Variants in CNKSR2 observed in about 807,000 individuals in gnomAD.
The protein encoded by CNKSR2 is CNK homolog protein 2.
A neutral mutation model predicts 84.4 loss-of-function variants in CNKSR2; 14 were observed. That is an observed-to-expected ratio of 0.17 (90% CI 0.11 to 0.26). The LOEUF is 0.26. Among genes scored for constraint, CNKSR2 ranks in the 10% least tolerant of loss-of-function variants. The probability of loss-of-function intolerance (pLI) is 1.00; values close to 1 mark genes in which losing one functional copy is unlikely to be tolerated. For synonymous variants in CNKSR2, 275 were observed against 277.9 expected, an observed-to-expected ratio of 0.99 and a Z score of 0.10; for missense variants, 485 against 771.2, an observed-to-expected ratio of 0.63 and a Z score of 4.40.
intron 1 of CNKSR2, among the ~76,000 whole-genome samples, chrX:21,402,389 TA>T (rs1179001528): frequency 9.0e-6 from 1 of 111,603 alleles, no homozygotes; most frequent in Non-Finnish European, 1.9e-5. Flanking sequence ...CTGAAGACTA[TA>T]TTTGAAGTTA....
chrX:21,518,252 A>G lies in CNKSR2; in HGVS notation c.957+1621A>G, dbSNP rs190935031. ...GCTCCCCCTAGAGTTTCCTATTGCC[A>G]TGTCTTCCCTAAAGATCCTTCTTCA... On this transcript the variant is annotated intron_variant, in intron 9 of 21. Coordinates refer to ENST00000379510, the MANE Select transcript of CNKSR2 (RefSeq NM_014927.5). Among the ~76,000 whole-genome samples the G allele has an allele frequency of 4.5e-4, 50 of 110,829 alleles. No individual in the cohort carries two copies. The Admixed American group carries it at 4.7e-3, about 10-fold the overall frequency.
intron 17 of CNKSR2, among the ~76,000 whole-genome samples, chrX:21,600,102 C>T (rs1032365096): frequency 8.1e-5 from 9 of 111,684 alleles, no homozygotes; most frequent in African/African-American, 2.6e-4. Flanking sequence ...TTTTAATTGA[C>T]CTATTCTTAC....
At chrX:21,446,297 A>G (rs1159286319) in intron 4 of CNKSR2, among the ~76,000 whole-genome samples, 2 of 111,483 alleles carry the variant, frequency 1.8e-5, no homozygotes, top group Non-Finnish European at 3.8e-5. Context: ...CTAAAAATAT[A>G]TTGTTTTCAA....
At chrX:21,643,327 C>T (rs958668070) in intron 20 of CNKSR2, 6 of 111,508 alleles carry the variant, frequency 5.4e-5, no homozygotes, top group African/African-American at 1.3e-4. Context: ...AACTACTTGT[C>T]GTAAATACTG....
chrX:21,599,339 GGTGTGTGTGTGTGTGT>G (rs34829122), intron 17 of CNKSR2, among the ~76,000 whole-genome samples: 12 of 82,706 alleles, frequency 1.5e-4, no homozygotes, highest in East Asian at 3.9e-4. Flanking sequence ...TTTTTGTTTT[GGTGTGTGTGTGTGTGT>G]GTGTGTGTGT....
At chrX:21,396,427 C>T (rs1037302218) in intron 1 of CNKSR2, among the ~76,000 whole-genome samples, 9 of 110,334 alleles carry the variant, frequency 8.2e-5, no homozygotes, top group Non-Finnish European at 1.7e-4. Context: ...GTGAATGCAT[C>T]AAACAGATTT....
intron 13 of CNKSR2, among the ~76,000 whole-genome samples, chrX:21,573,830 G>T (rs1207527830): frequency 8.9e-6 from 1 of 111,849 alleles, no homozygotes; most frequent in African/African-American, 3.3e-5. Context: ...CATTGTTTTG[G>T]TGATTAACAT....
chrX:21,608,145 C>T (rs746932325), intron 19 of CNKSR2: 6 of 110,920 alleles, frequency 5.4e-5, no homozygotes, highest in South Asian at 7.8e-4. Context: ...ACTGACTGCC[C>T]GCAGAGGATG....
intron 6 of CNKSR2, chrX:21,493,238 T>G (rs141792706): frequency 0.025 from 2,807 of 112,057 alleles, 38 homozygotes; most frequent in Non-Finnish European, 0.04. Context: ...ACAACAATAA[T>G]TAGCAGAAAA....
intron 6 of CNKSR2, among the ~76,000 whole-genome samples, chrX:21,496,220 T>G (rs919062095): frequency 7.1e-5 from 8 of 112,064 alleles, no homozygotes; most frequent in Admixed American, 1.9e-4. Context: ...TTAAGATCCT[T>G]TATTAATCTG....
intron 8 of CNKSR2, chrX:21,506,365 CATA>C (rs2091612270): frequency 9.0e-6 from 1 of 111,186 alleles, no homozygotes; most frequent in Non-Finnish European, 1.9e-5. Context: ...TTTAGTTACT[CATA>C]ATAATATTTT....
intron 21 of CNKSR2, among the ~76,000 whole-genome samples, chrX:21,650,638 G>T (rs763018556): frequency 1.5e-3 from 168 of 111,649 alleles, no homozygotes; most frequent in African/African-American, 5.1e-3. Flanking sequence ...CAGAAGGTCA[G>T]AGGGCTCCTT....
At chrX:21,437,062 A>G (rs1398843546) in intron 3 of CNKSR2, among the ~76,000 whole-genome samples, 1 of 111,727 alleles carries the variant, frequency 9.0e-6, no homozygotes, top group Admixed American at 9.5e-5. Context: ...TTGAAATTTA[A>G]TCTTGAGTGA....
chrX:21,570,326 T>C (rs1048420818), intron 13 of CNKSR2, among the ~76,000 whole-genome samples: 2 of 112,926 alleles, frequency 1.8e-5, no homozygotes, highest in African/African-American at 6.4e-5. Context: ...TTTTTTGTTA[T>C]GGAGATGCCT....
chrX:21,639,836 T>C (rs1171794866), intron 20 of CNKSR2, among the ~76,000 whole-genome samples: 2 of 111,043 alleles, frequency 1.8e-5, no homozygotes, highest in Non-Finnish European at 3.8e-5. Flanking sequence ...GATTCCTGAG[T>C]TCCATACCCA....
At chrX:21,455,669 A>G (rs1213738312) in intron 4 of CNKSR2, among the ~76,000 whole-genome samples, 1 of 112,233 alleles carries the variant, frequency 8.9e-6, no homozygotes, top group East Asian at 2.8e-4. Flanking sequence ...ATTTGATCAT[A>G]ACACTCTTCT....
At chrX:21,546,537 T>C (rs1266038241) in intron 11 of CNKSR2, among the ~76,000 whole-genome samples, 1 of 110,883 alleles carries the variant, frequency 9.0e-6, no homozygotes, top group Admixed American at 9.6e-5. Flanking sequence ...TTACCCAACC[T>C]AGCAAGACAG....
Position 21,426,534 on chromosome X carries a change from T to C in CNKSR2, c.102T>C (p.Phe34=), listed in dbSNP as rs752477728. The change falls in exon 2 of 22, where the codon TTT becomes TTC. Residue 34 remains phenylalanine (F), a synonymous_variant. Coordinates refer to ENST00000379510, the MANE Select transcript of CNKSR2 (RefSeq NM_014927.5). ...GTTTGCAGCAGTATATTAAGAACTTTGAGAGGGAGAAGATCAGTGGGGACC... is the reference window on the plus strand; with the variant it reads ...GTTTGCAGCAGTATATTAAGAACTTCGAGAGGGAGAAGATCAGTGGGGACC... ...DDCLQQYIKN[F]EREKISGDQL... The C allele has an allele frequency of 8.3e-7, 1 of 1,207,711 alleles. No individual in the cohort carries two copies. The highest frequency in any genetic ancestry group is 3.0e-5 in the East Asian group (1 of 33,634).
chrX:21,418,570 A>G (rs1451957599), intron 1 of CNKSR2, among the ~76,000 whole-genome samples: 2 of 111,413 alleles, frequency 1.8e-5, no homozygotes, highest in Non-Finnish European at 3.8e-5. Flanking sequence ...ATACTCTTCT[A>G]GGGTAAAAGT....
Sources: gnomAD v4.1 joint callset for allele counts (sites outside exome capture counted in the v4.1 genomes callset) on GRCh38, gnomAD v4.1.1 for gene constraint, MANE v1.5 for transcripts, NCBI Gene and HGNC (gene_info 2026-07-23, HGNC 2026-07-21) for gene names.